The following CASK variants were observed in gnomAD, a reference collection of about 807,000 sequenced individuals.
CASK encodes the protein calcium/calmodulin dependent serine protein kinase, also known as peripheral plasma membrane protein CASK.
CASK carries 4 observed loss-of-function variants against 82.9 expected under a neutral mutation model. That is an observed-to-expected ratio of 0.05 (90% CI 0.02 to 0.11). CASK has a LOEUF of 0.11. CASK is among the 10% of genes least tolerant of loss of function. The probability of loss-of-function intolerance (pLI) is 1.00; values close to 1 mark genes in which losing one functional copy is unlikely to be tolerated. For synonymous variants in CASK, 259 were observed against 253.5 expected (o/e 1.02, Z -0.20); for missense variants, 358 against 720.9 (o/e 0.50, Z 5.76).
chrX:41,760,505 A>G (rs1268586881), intron 3 of CASK, among the ~76,000 whole-genome samples: 2 of 111,571 alleles, frequency 1.8e-5, no homozygotes, highest in Admixed American at 1.9e-4. Context: ...GAACAGTGAC[A>G]TTCTAATTCT....
At chrX:41,693,019 A>T (rs1207954882) in intron 5 of CASK, among the ~76,000 whole-genome samples, 1 of 111,926 alleles carries the variant, frequency 8.9e-6, no homozygotes, top group Non-Finnish European at 1.9e-5. Flanking sequence ...AGAGAGCCGA[A>T]CAAAATTGAC....
At chrX:41,529,140 G>C (rs753783326) in intron 25 of CASK, among the ~76,000 whole-genome samples, 1 of 112,009 alleles carries the variant, frequency 8.9e-6, no homozygotes, top group Admixed American at 9.4e-5. Context: ...ACAGTTCTGA[G>C]AGGCAGGGAC....
chrX:41,865,028 G>T (rs1205609513), intron 1 of CASK, among the ~76,000 whole-genome samples: 1 of 112,046 alleles, frequency 8.9e-6, no homozygotes, highest in Non-Finnish European at 1.9e-5. Context: ...GAGTATAGTG[G>T]ATGTAACTGT....
chrX:41,899,570 T>C (rs765671834), intron 1 of CASK, among the ~76,000 whole-genome samples: 2 of 111,394 alleles, frequency 1.8e-5, no homozygotes, highest in South Asian at 3.7e-4. Flanking sequence ...TACTACAGAT[T>C]TTTTCTTTGT....
intron 1 of CASK, among the ~76,000 whole-genome samples, chrX:41,888,837 A>G (rs931932949): frequency 1.9e-5 from 2 of 107,102 alleles, no homozygotes; most frequent in African/African-American, 3.4e-5. Context: ...ATGTATATAT[A>G]TGTGTGTGTG....
intron 3 of CASK, among the ~76,000 whole-genome samples, chrX:41,755,551 A>G (rs2068879224): frequency 8.9e-6 from 1 of 112,251 alleles, no homozygotes; most frequent in Non-Finnish European, 1.9e-5. Context: ...AAAAAACTTA[A>G]AAAACTCTTA....
At chrX:41,876,282 A>G (rs1240896218) in intron 1 of CASK, among the ~76,000 whole-genome samples, 2 of 111,302 alleles carry the variant, frequency 1.8e-5, no homozygotes, top group Non-Finnish European at 3.8e-5. Context: ...ATTTATCCCC[A>G]TTTTACAGAT....
chrX:41,776,270 A>G (rs1441311939), intron 3 of CASK, among the ~76,000 whole-genome samples: 1 of 112,081 alleles, frequency 8.9e-6, no homozygotes, highest in Non-Finnish European at 1.9e-5. Flanking sequence ...GTCGATAGGA[A>G]TTTTTCAGCT....
chrX:41,695,703 C>T (rs6609158), intron 5 of CASK: 7 of 1,203,190 alleles, frequency 5.8e-6, no homozygotes, highest in South Asian at 3.5e-5. Context: ...CCACAGAATG[C>T]GCTTTATAAC....
At chrX:41,589,830 G>T in intron 12 of CASK, 1 of 363,944 alleles carries the variant, frequency 2.7e-6, no homozygotes, top group Non-Finnish European at 4.8e-6. Flanking sequence ...TTCTGTCAAT[G>T]TGGCAATTTC....
chrX:41,674,481 G>A lies in CASK; in HGVS notation c.430-2951C>T, dbSNP rs1038583797. On this transcript the variant is annotated intron_variant, in intron 5 of 26. Transcript: ENST00000378163. ...AGTTAATGCTACCCAATGTCATGACGGGCCAAGAACATTGTGGCTTCCTAA... is the reference window on the plus strand; with the variant it reads ...AGTTAATGCTACCCAATGTCATGACAGGCCAAGAACATTGTGGCTTCCTAA... Among the ~76,000 whole-genome samples the A allele has an allele frequency of 6.3e-5, 7 of 111,554 alleles. No homozygotes were observed. The Admixed American group carries it at 6.7e-4, about 11-fold the overall frequency.
rs184643851 is a variant in CASK, at chrX:41,572,101, T to A, written c.1504-2355A>T. Among the ~76,000 whole-genome samples the A allele has an allele frequency of 2.6e-3, 279 of 107,609 alleles. 1 individual carries two copies. The highest frequency in any genetic ancestry group is 9.1e-3 in the African/African-American group (270 of 29,575). 93.4% of individuals were successfully genotyped at this position (107,609 alleles called of 115,157 possible). A position where few individuals can be genotyped will look rare whatever the true frequency, so the allele number is the denominator to read the frequency against. The stretch of plus-strand genomic sequence containing the variant: ...ATCTTCTTACTTTTTTTTTTTTTTT[T>A]AAGAGATGAAGTCTCACACTGTCAC... On this transcript the variant is annotated intron_variant, in intron 15 of 26. Coordinates refer to ENST00000378163, the MANE Select transcript of CASK (RefSeq NM_001367721.1).
chrX:41,760,471 T>C (rs771334215), intron 3 of CASK, among the ~76,000 whole-genome samples: 1 of 111,895 alleles, frequency 8.9e-6, no homozygotes, highest in Admixed American at 9.5e-5. Context: ...TTGCCTTAAC[T>C]TGGACTTACG....
chrX:41,847,364 G>A (rs1032655474), intron 2 of CASK, among the ~76,000 whole-genome samples: 9 of 111,456 alleles, frequency 8.1e-5, no homozygotes, highest in African/African-American at 2.6e-4. Context: ...TTCTGGTTCC[G>A]ATTCTTTATT....
intron 14 of CASK, 131 bp downstream of exon 14, chrX:41,586,776 G>A: frequency 2.1e-6 from 1 of 481,861 alleles, no homozygotes; most frequent in East Asian, 3.7e-5. Flanking sequence ...ACCTGGTATT[G>A]TAATCTTAAT....
chrX:41,530,111 G>C (rs189858493), intron 25 of CASK, among the ~76,000 whole-genome samples: 43 of 111,356 alleles, frequency 3.9e-4, no homozygotes, highest in African/African-American at 1.3e-3. Context: ...ATTTCTAAGG[G>C]TTAAAGGAGA....
At chrX:41,845,277 G>A (rs1001517706) in intron 2 of CASK, among the ~76,000 whole-genome samples, 1 of 111,348 alleles carries the variant, frequency 9.0e-6, no homozygotes, top group African/African-American at 3.3e-5. Context: ...ATTAAGTCAG[G>A]TATTGAAGTC....
At chrX:41,767,065 A>T (rs942450062) in intron 3 of CASK, among the ~76,000 whole-genome samples, 2 of 111,722 alleles carry the variant, frequency 1.8e-5, no homozygotes, top group Non-Finnish European at 3.8e-5. Context: ...AAATGGTGTA[A>T]ACTCATGGTT....
chrX:41,736,764 G>T lies in CASK; in HGVS notation c.429+2620C>A, dbSNP rs186407379. 2.3e-3 allele frequency among the ~76,000 whole-genome samples: 259 copies of T among 111,552 alleles called. 1 individual carries two copies. Among genetic ancestry groups the T allele is most frequent in the African/African-American group, 8.1e-3 (248 of 30,708 alleles). Reference sequence around the variant, plus strand: ...TACTCCAACGTAAGACTACTTTTGGGCCTTTGCACAAACTGTTCCTTCTGC... The same window carrying T: ...TACTCCAACGTAAGACTACTTTTGGTCCTTTGCACAAACTGTTCCTTCTGC... On this transcript the variant is annotated intron_variant, in intron 5 of 26. Coordinates refer to ENST00000378163, the MANE Select transcript of CASK (RefSeq NM_001367721.1).
Sources: gnomAD v4.1 joint callset for allele counts (sites outside exome capture counted in the v4.1 genomes callset) on GRCh38, gnomAD v4.1.1 for gene constraint, MANE v1.5 for transcripts, NCBI Gene and HGNC (gene_info 2026-07-23, HGNC 2026-07-21) for gene names.